GRM7: variants seen among roughly 807,000 people sequenced by gnomAD.
The protein encoded by GRM7 is glutamate metabotropic receptor 7, also known as metabotropic glutamate receptor 7.
GRM7 carries 35 observed loss-of-function variants against 84.5 expected under a neutral mutation model. That is an observed-to-expected ratio of 0.41 (90% CI 0.32 to 0.55). The LOEUF (loss-of-function observed/expected upper bound fraction) is 0.55, where lower values mean the gene tolerates loss of function less well. Among genes scored for constraint, GRM7 ranks in the 20% least tolerant of loss-of-function variants. The pLI is 0.19. For synonymous variants in GRM7, 487 were observed against 455.1 expected (o/e 1.07, Z -0.89); for missense variants, 1,003 against 1,194.6 (o/e 0.84, Z 2.36).
At chr3:7,563,001 A>G (rs1041094048) in intron 7 of GRM7, among the ~76,000 whole-genome samples, 1 of 152,206 alleles carries the variant, frequency 6.6e-6, no homozygotes, top group Admixed American at 6.5e-5. Context: ...TTATAAAAAT[A>G]GAAAGTAGGG....
At chr3:7,553,312 A>T (rs971535945) in intron 7 of GRM7, among the ~76,000 whole-genome samples, 3 of 152,182 alleles carry the variant, frequency 2.0e-5, no homozygotes, top group African/African-American at 7.2e-5. Context: ...AAGCTATTCA[A>T]CAAGTCTCTA....
intron 1 of GRM7, among the ~76,000 whole-genome samples, chr3:6,938,527 ATCACTGCGG>A (rs755645448): frequency 3.0e-4 from 45 of 152,292 alleles, no homozygotes; most frequent in South Asian, 1.0e-3. Flanking sequence ...AAAAGTCTGG[ATCACTGCGG>A]TAGGCTTAGA....
rs144465602 is a variant in GRM7, at chr3:7,064,505, C to CAT, written c.520-81935_520-81934dup. Among the ~76,000 whole-genome samples, 144 of 100,976 alleles carry CAT rather than the reference C, an allele frequency of 1.4e-3. 7 individuals are homozygous for CAT. Among genetic ancestry groups the CAT allele is most frequent in the African/African-American group, 4.0e-3 (107 of 26,624 alleles). The allele number at this position is 100,976 out of a possible 152,430, so 66.2% of individuals were successfully genotyped here. A position where few individuals can be genotyped will look rare whatever the true frequency, so the allele number is the denominator to read the frequency against. ...ACACACATATACATATATATATACA[C>CAT]ATATATATATATACACACACACACA... On this transcript the variant is annotated intron_variant, in intron 1 of 9. Transcript: ENST00000357716.
At chr3:7,301,563 G>C (rs1374601728) in intron 3 of GRM7, among the ~76,000 whole-genome samples, 1 of 152,088 alleles carries the variant, frequency 6.6e-6, no homozygotes, top group Admixed American at 6.6e-5. Context: ...TAACTAATTG[G>C]TTATAATACT....
chr3:7,714,927 G>A (rs1206578996), intron 9 of GRM7, among the ~76,000 whole-genome samples: 3 of 152,170 alleles, frequency 2.0e-5, no homozygotes, highest in Non-Finnish European at 4.4e-5. Context: ...CAATGGCAAT[G>A]AACAGTCACC....
At chr3:7,155,875 T>C (rs1305910416) in intron 2 of GRM7, among the ~76,000 whole-genome samples, 3 of 152,186 alleles carry the variant, frequency 2.0e-5, no homozygotes, top group African/African-American at 7.2e-5. Context: ...CTTGCGTAGC[T>C]CCAAGTTTGT....
chr3:7,397,693 C>G lies in GRM7; in HGVS notation c.1034-17330C>G, dbSNP rs77092604. 2.9e-3 allele frequency among the ~76,000 whole-genome samples: 448 copies of G among 152,206 alleles called. 3 individuals carry two copies. Among genetic ancestry groups the G allele is most frequent in the South Asian group, 0.024 (115 of 4,818 alleles). ...TAAATATATTCAACTATTATGTACT[C>G]ATAATAACTAAAAATTAAAAAGCAT... is the stretch of plus-strand genomic sequence containing the variant. On this transcript the variant is annotated intron_variant, in intron 4 of 9. Transcript: ENST00000357716.
At chr3:7,666,079 T>A (rs539315543) in intron 8 of GRM7, among the ~76,000 whole-genome samples, 1 of 152,222 alleles carries the variant, frequency 6.6e-6, no homozygotes, top group Admixed American at 6.5e-5. Flanking sequence ...TACTGATGAT[T>A]ATATATACTG....
At chr3:7,014,897 C>T (rs1180090189) in intron 1 of GRM7, among the ~76,000 whole-genome samples, 10 of 152,128 alleles carry the variant, frequency 6.6e-5, no homozygotes, top group Admixed American at 3.3e-4. Flanking sequence ...CCAATCAGCA[C>T]TCTGTAGCTA....
At chr3:7,280,593 TA>T (rs1483447447) in intron 2 of GRM7, among the ~76,000 whole-genome samples, 3 of 152,188 alleles carry the variant, frequency 2.0e-5, no homozygotes, top group Non-Finnish European at 4.4e-5. Flanking sequence ...TCACGGGAAG[TA>T]AATATCATTA....
chr3:7,609,695 A>T (rs1008195281), intron 8 of GRM7, among the ~76,000 whole-genome samples: 1 of 152,200 alleles, frequency 6.6e-6, no homozygotes, highest in African/African-American at 2.4e-5. Flanking sequence ...ACAGTGGATG[A>T]TGGATGAAAT....
intron 7 of GRM7, among the ~76,000 whole-genome samples, chr3:7,528,992 T>A (rs974308785): frequency 2.6e-4 from 40 of 152,200 alleles, no homozygotes; most frequent in African/African-American, 9.6e-4. Context: ...TATTCTGTAA[T>A]TGTTGAGTAG....
intron 4 of GRM7, among the ~76,000 whole-genome samples, chr3:7,326,527 T>C (rs1443980467): frequency 6.6e-6 from 1 of 152,016 alleles, no homozygotes; most frequent in Non-Finnish European, 1.5e-5. Flanking sequence ...GGAAAAGATA[T>C]TGAGCAGAAG....
At chr3:7,702,185 C>T (rs1701250576) in intron 9 of GRM7, among the ~76,000 whole-genome samples, 1 of 152,204 alleles carries the variant, frequency 6.6e-6, no homozygotes. Context: ...CTACTGAAGT[C>T]TCAGGCCTTA....
chr3:7,017,422 A>G (rs1274189031), intron 1 of GRM7, among the ~76,000 whole-genome samples: 2 of 152,216 alleles, frequency 1.3e-5, no homozygotes, highest in Non-Finnish European at 2.9e-5. Flanking sequence ...CCCAAAAAAT[A>G]TCAACAGGCC....
chr3:7,492,477 T>C (rs1310922959), intron 7 of GRM7, among the ~76,000 whole-genome samples: 2 of 152,134 alleles, frequency 1.3e-5, no homozygotes, highest in African/African-American at 4.8e-5. Context: ...TTTCAGTTGC[T>C]GTATTTATGA....
chr3:7,274,115 A>G (rs995326638), intron 2 of GRM7, among the ~76,000 whole-genome samples: 1 of 151,930 alleles, frequency 6.6e-6, no homozygotes, highest in African/African-American at 2.4e-5. Flanking sequence ...AAATAACACT[A>G]TTACTATCAA....
At chr3:7,672,086 G>T (rs1699939751) in intron 8 of GRM7, among the ~76,000 whole-genome samples, 1 of 151,790 alleles carries the variant, frequency 6.6e-6, no homozygotes, top group Admixed American at 6.6e-5. Flanking sequence ...TGCCCCGGGG[G>T]GAGGGAAACA....
intron 2 of GRM7, among the ~76,000 whole-genome samples, chr3:7,230,961 C>T (rs1697174878): frequency 6.6e-6 from 1 of 152,164 alleles, no homozygotes; most frequent in African/African-American, 2.4e-5. Flanking sequence ...AGCATTCATA[C>T]TCACCCATCC....
Sources: allele counts gnomAD v4.1 joint callset (sites outside exome capture counted in the v4.1 genomes callset), GRCh38; gene constraint gnomAD v4.1.1; transcripts MANE v1.5; gene names NCBI Gene and HGNC (gene_info 2026-07-23, HGNC 2026-07-21).